The following PPP2R5E variants were observed in gnomAD, a reference collection of about 807,000 sequenced individuals.
PPP2R5E encodes the protein serine/threonine-protein phosphatase 2A 56 kDa regulatory subunit epsilon isoform.
In PPP2R5E, 4 loss-of-function variants were observed where a neutral mutation model predicts 65.3. The observed-to-expected ratio is 0.06, with a 90% confidence interval of 0.03 to 0.14. The LOEUF is 0.14. PPP2R5E is among the 10% of genes least tolerant of loss of function. The pLI is 1.00. For missense variants in PPP2R5E, 274 were observed against 556.1 expected, an observed-to-expected ratio of 0.49 and a Z score of 5.10; for synonymous variants, 183 against 187.4, an observed-to-expected ratio of 0.98 and a Z score of 0.19.
chr14:63,403,288 C>T (rs1885863279), intron 5 of PPP2R5E, among the ~76,000 whole-genome samples: 1 of 147,338 alleles, frequency 6.8e-6, no homozygotes, highest in Non-Finnish European at 1.5e-5. Context: ...ATTAGTCTGG[C>T]GTGGTGGCAT....
chr14:63,483,052 C>T (rs1309555181), intron 2 of PPP2R5E, among the ~76,000 whole-genome samples: 3 of 152,170 alleles, frequency 2.0e-5, no homozygotes, highest in Non-Finnish European at 4.4e-5. Context: ...CACCTGTCAT[C>T]CTAGGACTTT....
intron 3 of PPP2R5E, among the ~76,000 whole-genome samples, chr14:63,424,951 T>G (rs774159988): frequency 6.6e-6 from 1 of 152,168 alleles, no homozygotes; most frequent in African/African-American, 2.4e-5. Context: ...AAGATGAGCA[T>G]AGAGCCGTAT....
chr14:63,500,375 A>C (rs1387997489), intron 2 of PPP2R5E, among the ~76,000 whole-genome samples: 1 of 152,248 alleles, frequency 6.6e-6, no homozygotes, highest in Non-Finnish European at 1.5e-5. Flanking sequence ...ATGCATACTT[A>C]CAATGCCAAA....
intron 2 of PPP2R5E, among the ~76,000 whole-genome samples, chr14:63,488,049 T>C (rs1891080784): frequency 6.6e-6 from 1 of 152,160 alleles, no homozygotes; most frequent in African/African-American, 2.4e-5. Context: ...ATTACATAAA[T>C]ATTTTATTTC....
chr14:63,420,689 T>C (rs1886957846), intron 4 of PPP2R5E, among the ~76,000 whole-genome samples: 1 of 152,010 alleles, frequency 6.6e-6, no homozygotes, highest in South Asian at 2.1e-4. Context: ...AATTCTGAAG[T>C]AGGGGGGAAA....
intron 2 of PPP2R5E, among the ~76,000 whole-genome samples, chr14:63,507,761 G>A (rs938597549): frequency 2.0e-5 from 3 of 151,744 alleles, no homozygotes; most frequent in African/African-American, 7.3e-5. Context: ...GTATTTTTTA[G>A]TAGAGACGGG....
intron 5 of PPP2R5E, among the ~76,000 whole-genome samples, chr14:63,411,759 A>G (rs910118885): frequency 1.1e-4 from 16 of 150,530 alleles, no homozygotes; most frequent in African/African-American, 3.7e-4. Flanking sequence ...GCTTTCCACC[A>G]TGATTATAAG....
chr14:63,371,539 A>G lies in PPP2R5E; in HGVS notation c.*4470T>C, dbSNP rs1427313767. 2 of 152,148 alleles carry G rather than the reference A, an allele frequency of 1.3e-5. No individual in the cohort carries two copies. Among genetic ancestry groups the G allele is most frequent in the Middle Eastern group, 3.2e-3 (1 of 316 alleles). The allele number at this position is 152,148 out of a possible 1,614,324, so 9.4% of individuals were successfully genotyped here. A position where few individuals can be genotyped will look rare whatever the true frequency, so the allele number is the denominator to read the frequency against. On this transcript the variant is annotated 3_prime_UTR_variant, in exon 14 of 14. Coordinates refer to ENST00000337537, the MANE Select transcript of PPP2R5E (RefSeq NM_006246.5). ...ACATTTTAAATTCCAAGTGTTTAAGACTCAGCTTGTATTTTGTGGTGTTTG... is the reference window on the plus strand; with the variant it reads ...ACATTTTAAATTCCAAGTGTTTAAGGCTCAGCTTGTATTTTGTGGTGTTTG...
chr14:63,509,144 G>C (rs764902594), intron 2 of PPP2R5E, among the ~76,000 whole-genome samples: 4 of 151,818 alleles, frequency 2.6e-5, no homozygotes, highest in Non-Finnish European at 4.4e-5. Flanking sequence ...TCTTCTCTAG[G>C]CCTGTGTAGA....
intron 13 of PPP2R5E, among the ~76,000 whole-genome samples, chr14:63,380,126 G>A (rs745491650): frequency 1.3e-5 from 2 of 151,864 alleles, no homozygotes; most frequent in African/African-American, 4.8e-5. Flanking sequence ...GAGCTACCGT[G>A]CCCAGCCAAG....
In PPP2R5E at chr14:63,393,849, C is replaced by T; in HGVS notation, c.820G>A (p.Val274Ile). 2 of 1,607,548 alleles carry T rather than the reference C, an allele frequency of 1.2e-6. No homozygotes were observed. Among genetic ancestry groups the T allele is most frequent in the Non-Finnish European group, 1.7e-6 (2 of 1,174,254 alleles). The change falls in exon 8 of 14, where the codon GTC (valine) becomes ATC (isoleucine). Residue 274 changes from valine to isoleucine, a missense_variant. Physicochemically the swap from Val to Ile is conservative, Grantham distance 29. This residue lies in a region of PPP2R5E where 129 missense variants were observed against 254.9 expected (regional missense o/e 0.51). Transcript: ENST00000337537. ...LVKVLIPLHT[V>I]RSLSLFHAQL... is the part of the protein sequence containing the mutation. ...GCATGGAAGAGTGATAAGCTCCTGA[C>T]AGTGTGTAAAGGGATCAATACTTTC...
intron 3 of PPP2R5E, among the ~76,000 whole-genome samples, chr14:63,434,469 C>A (rs951968801): frequency 6.6e-6 from 1 of 152,150 alleles, no homozygotes; most frequent in African/African-American, 2.4e-5. Context: ...AAGTACACAA[C>A]CTCCCCAAAA....
intron 4 of PPP2R5E, among the ~76,000 whole-genome samples, chr14:63,421,237 G>T (rs1887005857): frequency 6.6e-6 from 1 of 152,044 alleles, no homozygotes; most frequent in Admixed American, 6.6e-5. Flanking sequence ...CAATGGAAGG[G>T]TGACTTTGGG....
chr14:63,519,400 G>A (rs896689606), intron 2 of PPP2R5E, among the ~76,000 whole-genome samples: 4 of 151,752 alleles, frequency 2.6e-5, no homozygotes, highest in African/African-American at 4.8e-5. Context: ...ACCCAGGCTG[G>A]AGTGCAGTGG....
chr14:63,468,258 C>CT (rs72306966), intron 2 of PPP2R5E, among the ~76,000 whole-genome samples: 10 of 152,064 alleles, frequency 6.6e-5, no homozygotes, highest in South Asian at 2.1e-4. Context: ...CAATGCCAGT[C>CT]TTTTTTTTCA....
rs556248843 is a variant in PPP2R5E, at chr14:63,471,317, A to G, written c.158-17432T>C. 6.6e-5 allele frequency among the ~76,000 whole-genome samples: 10 copies of G among 152,148 alleles called. No individual in the cohort carries two copies. The South Asian group carries it at 2.1e-3, about 32-fold the overall frequency. On this transcript the variant is annotated intron_variant, in intron 2 of 13. Transcript: ENST00000337537. ...TATCATGATCTCCTACAGACAATAC[A>G]CTCTTTCAGGATCTTGACTATAAGC...
chr14:63,442,548 A>C (rs1022797229), intron 3 of PPP2R5E, among the ~76,000 whole-genome samples: 1 of 152,212 alleles, frequency 6.6e-6, no homozygotes, highest in African/African-American at 2.4e-5. Flanking sequence ...TGGAATAAGT[A>C]CAATAAGACA....
intron 2 of PPP2R5E, among the ~76,000 whole-genome samples, chr14:63,488,828 G>A (rs1453083861): frequency 2.0e-5 from 3 of 151,636 alleles, no homozygotes; most frequent in South Asian, 2.1e-4. Context: ...CAGACTGGGC[G>A]ACAGAGCAAG....
intron 2 of PPP2R5E, among the ~76,000 whole-genome samples, chr14:63,460,802 G>A (rs1170475000): frequency 6.6e-6 from 1 of 152,136 alleles, no homozygotes; most frequent in Non-Finnish European, 1.5e-5. Flanking sequence ...ATGGCTTCAA[G>A]CAGCAAAATT....
Sources: gnomAD v4.1 joint callset for allele counts (sites outside exome capture counted in the v4.1 genomes callset) on GRCh38, gnomAD v4.1.1 for gene constraint, gnomAD v4.1.1 regional missense constraint, MANE v1.5 for transcripts, NCBI Gene and HGNC (gene_info 2026-07-23, HGNC 2026-07-21) for gene names.